The following PLCD4 variants were observed in gnomAD, a reference collection of about 807,000 sequenced individuals.
PLCD4 encodes the protein 1-phosphatidylinositol 4,5-bisphosphate phosphodiesterase delta-4.
In PLCD4, 63 loss-of-function variants were observed where a neutral mutation model predicts 90.2. That is an observed-to-expected ratio of 0.70 (90% CI 0.57 to 0.86). The LOEUF (loss-of-function observed/expected upper bound fraction) is 0.86. Ranked by LOEUF, PLCD4 falls within the 40% of genes least tolerant of loss-of-function variation. The pLI, the probability that PLCD4 is intolerant of heterozygous loss-of-function variation, is 0.00. For synonymous variants in PLCD4, 294 were observed against 356.5 expected (o/e 0.82, Z 1.97); for missense variants, 830 against 956.3 (o/e 0.87, Z 1.74).
intron 10 of PLCD4, 28 bp downstream of exon 10, chr2:218,632,340 G>A: frequency 2.5e-6 from 4 of 1,578,676 alleles, no homozygotes; most frequent in South Asian, 1.2e-5. Context: ...TTTCTGCTGT[G>A]GTATTTAGTC....
At chr2:218,628,274 A>T (rs751935079) in intron 7 of PLCD4, 44 bp downstream of exon 7, 1 of 1,572,552 alleles carries the variant, frequency 6.4e-7, no homozygotes, top group East Asian at 2.2e-5. Flanking sequence ...GAGAGGGACC[A>T]TGTAGAAAAG....
At chr2:218,610,873 G>A (rs1056137092) in intron 1 of PLCD4, among the ~76,000 whole-genome samples, 4 of 152,044 alleles carry the variant, frequency 2.6e-5, no homozygotes, top group African/African-American at 9.7e-5. Context: ...GATTATAGGT[G>A]TGCACCACTA....
Position 218,633,745 on chromosome 2 carries a change from C to T in PLCD4, c.1590C>T (p.Arg530=). The T allele has an allele frequency of 6.2e-7, 1 of 1,613,934 alleles. No individual in the cohort carries two copies. The highest frequency in any genetic ancestry group is 1.3e-5 in the African/African-American group (1 of 75,026). ...ISSFSETKAK[R]LIKEAGNEFV... is the part of the protein sequence containing the mutation. Reference sequence around the variant, plus strand: ...CTTTCTCTGAAACCAAGGCCAAGCGCCTCATCAAGGAGGCTGGTCAGGACC... The same window carrying T: ...CTTTCTCTGAAACCAAGGCCAAGCGTCTCATCAAGGAGGCTGGTCAGGACC... Residue 530 remains arginine (R), a synonymous_variant, in exon 11 of 16, where the codon CGC becomes CGT. Coordinates refer to ENST00000450993, the MANE Select transcript of PLCD4 (RefSeq NM_032726.4).
rs183605922 is a variant in PLCD4, at chr2:218,634,157, C to A, written c.1659C>A (p.Ser553Arg). 14 of 1,612,670 alleles carry A rather than the reference C, an allele frequency of 8.7e-6. No homozygotes were observed. Among genetic ancestry groups the A allele is most frequent in the East Asian group, 2.2e-5 (1 of 44,858 alleles). ...NTWQLSRVYP[S>R]GLRTDSSNYN... The stretch of plus-strand genomic sequence containing the variant: ...GGCAGTTAAGCCGTGTGTATCCCAG[C>A]GGCCTGAGGACAGACTCTTCCAACT... The change falls in exon 12 of 16, where the codon AGC (serine) becomes AGA (arginine). Residue 553 changes from serine to arginine, a missense_variant. Coordinates refer to ENST00000450993, the MANE Select transcript of PLCD4 (RefSeq NM_032726.4). The surrounding 1 kb of genome is among the most constrained non-coding windows in gnomAD (Gnocchi z 4.0).
chr2:218,629,987 G>A (rs1454980274), intron 8 of PLCD4, among the ~76,000 whole-genome samples: 1 of 152,148 alleles, frequency 6.6e-6, no homozygotes, highest in Non-Finnish European at 1.5e-5. Flanking sequence ...AGACTAACCT[G>A]ACCAACATGG....
intron 9 of PLCD4, 148 bp from the exon 10 acceptor site, chr2:218,631,988 T>C: frequency 1.4e-6 from 1 of 732,570 alleles, no homozygotes. Context: ...GAATTCCAAT[T>C]GTATGTATCA....
Position 218,634,309 on chromosome 2 carries a change from C to T in PLCD4, c.1723+88C>T, listed in dbSNP as rs1421058096. 1 of 1,570,802 alleles carries T rather than the reference C, an allele frequency of 6.4e-7. No homozygotes were observed. Among genetic ancestry groups the T allele is most frequent in the Non-Finnish European group, 8.6e-7 (1 of 1,157,912 alleles). Reference sequence around the variant, plus strand: ...CTAGTGATGGTAGGGTTGGGGAATGCTCAAGAAAATTGCTAGGCTGAGAAA... The same window carrying T: ...CTAGTGATGGTAGGGTTGGGGAATGTTCAAGAAAATTGCTAGGCTGAGAAA... On this transcript the variant is annotated intron_variant, in intron 12 of 15. Coordinates refer to ENST00000450993, the MANE Select transcript of PLCD4 (RefSeq NM_032726.4). This position sits in a 1 kb window ranked among gnomAD's most constrained non-coding sequence, Gnocchi z 4.0.
At position 218,635,677 on chromosome 2, in the gene PLCD4, T is replaced by C. The variant is rs1696688472; in HGVS notation, c.1897-119T>C. On this transcript the variant is annotated intron_variant, in intron 13 of 15. Coordinates refer to ENST00000450993, the MANE Select transcript of PLCD4 (RefSeq NM_032726.4). ...GCAGATAGAATACTAGAAGAAAATA[T>C]ATTACCCATGGAGGATGTTTTACAA... The C allele has an allele frequency of 1.6e-5, 22 of 1,350,154 alleles. No individual in the cohort carries two copies. The South Asian group carries it at 3.4e-4, about 21-fold the overall frequency. 83.6% of individuals were successfully genotyped at this position (1,350,154 alleles called of 1,614,324 possible). A position where few individuals can be genotyped will look rare whatever the true frequency, so the allele number is the denominator to read the frequency against.
chr2:218,619,992 C>A (rs1250746589), intron 4 of PLCD4, among the ~76,000 whole-genome samples: 1 of 152,188 alleles, frequency 6.6e-6, no homozygotes, highest in Admixed American at 6.5e-5. Context: ...ATCCTCCCAC[C>A]TCAGCTTCCC....
intron 13 of PLCD4, among the ~76,000 whole-genome samples, 179 bp from the exon 14 acceptor site, chr2:218,635,617 G>C (rs1696684138): frequency 1.3e-5 from 2 of 152,202 alleles, no homozygotes; most frequent in Admixed American, 1.3e-4. Flanking sequence ...ACAGGTGTGA[G>C]CCACCGTGCC....
At chr2:218,635,676 A>G (rs999744325) in intron 13 of PLCD4, 120 bp from the exon 14 acceptor site, 44 of 1,346,790 alleles carry the variant, frequency 3.3e-5, no homozygotes, top group Non-Finnish European at 4.2e-5. Flanking sequence ...AGAAGAAAAT[A>G]TATTACCCAT....
intron 3 of PLCD4, among the ~76,000 whole-genome samples, chr2:218,616,917 T>G (rs1575016839): frequency 4.1e-5 from 1 of 24,598 alleles, no homozygotes; most frequent in African/African-American, 1.4e-4. Context: ...TATATATATA[T>G]ATATATATAT....
At chr2:218,633,795 T>C (rs1696535203) in intron 11 of PLCD4, 34 bp downstream of exon 11, 1 of 1,610,528 alleles carries the variant, frequency 6.2e-7, no homozygotes. Flanking sequence ...GGGAGGGAAG[T>C]GGGATGGATA....
rs187207494 is a variant in PLCD4 at position 218,610,153 on chromosome 2, G to C, written c.-34+2083G>C. 3.9e-3 allele frequency among the ~76,000 whole-genome samples: 596 copies of C among 152,034 alleles called. 1 individual carries two copies. Among genetic ancestry groups the C allele is most frequent in the African/African-American group, 0.014 (579 of 41,460 alleles). On this transcript the variant is annotated intron_variant, in intron 1 of 15. Coordinates refer to ENST00000450993, the MANE Select transcript of PLCD4 (RefSeq NM_032726.4). The stretch of plus-strand genomic sequence containing the variant: ...TAATTTAAAAAAAATTTTTTTTATA[G>C]TGAACTGGGAAGAAAGGAAAAGGAC...
intron 9 of PLCD4, among the ~76,000 whole-genome samples, chr2:218,631,243 C>T (rs1696346191): frequency 6.6e-6 from 1 of 152,096 alleles, no homozygotes; most frequent in Non-Finnish European, 1.5e-5. Context: ...CAGCTCACTA[C>T]AACCTCTGCC....
chr2:218,629,731 T>C, intron 8 of PLCD4, 68 bp downstream of exon 8: 1 of 1,556,902 alleles, frequency 6.4e-7, no homozygotes, highest in Non-Finnish European at 8.8e-7. Flanking sequence ...TGGCTCTGGG[T>C]CTGGGGAGGG....
chr2:218,612,295 A>G (rs1695374917), intron 1 of PLCD4, among the ~76,000 whole-genome samples: 1 of 152,116 alleles, frequency 6.6e-6, no homozygotes. Context: ...AGCAGAGATG[A>G]TTTTCTGGCT....
intron 8 of PLCD4, 48 bp downstream of exon 8, chr2:218,629,711 G>A (rs754100694): frequency 1.9e-6 from 3 of 1,586,756 alleles, no homozygotes; most frequent in Non-Finnish European, 2.6e-6. Flanking sequence ...AGGTCTGAGG[G>A]AAGAACGACT....
At chr2:218,621,008 C>T (rs1449511854) in intron 4 of PLCD4, among the ~76,000 whole-genome samples, 1 of 151,674 alleles carries the variant, frequency 6.6e-6, no homozygotes, top group African/African-American at 2.4e-5. Flanking sequence ...CGGCTCCATG[C>T]AACCTCCACC....
Sources: allele counts gnomAD v4.1 joint callset (sites outside exome capture counted in the v4.1 genomes callset), GRCh38; gene constraint gnomAD v4.1.1; non-coding constraint Gnocchi (gnomAD v3.1); transcripts MANE v1.5; gene names NCBI Gene and HGNC (gene_info 2026-07-23, HGNC 2026-07-21).